Variants in KHNYN observed in about 807,000 individuals in gnomAD.
KHNYN encodes KH and NYN domain containing.
A neutral mutation model predicts 62.7 loss-of-function variants in KHNYN; 42 were observed. That is an observed-to-expected ratio of 0.67 (90% CI 0.52 to 0.87). KHNYN has a LOEUF of 0.87. KHNYN is among the 40% of genes least tolerant of loss of function. The probability of loss-of-function intolerance (pLI) is 0.00; values close to 1 mark genes in which losing one functional copy is unlikely to be tolerated. For missense variants in KHNYN, 829 were observed against 874.1 expected (o/e 0.95, Z 0.65); for synonymous variants, 347 against 345.6 (o/e 1.00, Z -0.04).
Position 24,432,237 on chromosome 14 carries a change from C to T in KHNYN, c.976C>T (p.Pro326Ser), listed in dbSNP as rs770405339. The stretch of plus-strand genomic sequence containing the variant: ...AGGGTTCTGTGTCCACCGTGAGCCT[C>T]CCGGTGCCCATGGCTCCTGTCACAG... ...GGGFCVHREP[P>S]GAHGSCHRAA... Residue 326 changes from proline (P) to serine (S), a missense_variant, in exon 3 of 8, where the codon CCC becomes TCC. Coordinates refer to ENST00000553935, the MANE Select transcript of KHNYN (RefSeq NM_015299.3). This position sits in a 1 kb window ranked among gnomAD's most constrained non-coding sequence, Gnocchi z 5.6. The T allele has an allele frequency of 3.1e-6, 5 of 1,609,002 alleles. No homozygotes were observed. The East Asian group carries it at 8.9e-5, about 29-fold the overall frequency.
the KHNYN span, among the ~76,000 whole-genome samples, chr14:24,423,580 G>C: frequency 6.6e-6 from 1 of 152,262 alleles, no homozygotes; most frequent in Non-Finnish European, 1.5e-5. Flanking sequence ...GGCCATGGGA[G>C]CAGAACTGGT....
upstream of KHNYN, chr14:24,429,319 C>T (rs780637676): frequency 1.5e-6 from 1 of 671,406 alleles, no homozygotes; most frequent in South Asian, 1.5e-5. Flanking sequence ...CGCCTGCCCA[C>T]TGGACGGGAG....
the KHNYN span, among the ~76,000 whole-genome samples, chr14:24,423,404 A>C: frequency 6.6e-6 from 1 of 152,156 alleles, no homozygotes; most frequent in African/African-American, 2.4e-5. Flanking sequence ...GTGGATGAGG[A>C]TAGCAGCCTT....
chr14:24,430,988 G>A (rs747317857), intron 2 of KHNYN, 57 bp downstream of exon 2: 47 of 1,523,524 alleles, frequency 3.1e-5, no homozygotes, highest in East Asian at 4.7e-5. Flanking sequence ...CCCCCAGGGC[G>A]GAGGAGAGCA....
chr14:24,427,615 G>A, upstream of KHNYN: 1 of 673,900 alleles, frequency 1.5e-6, no homozygotes, highest in Admixed American at 2.5e-5. This position sits in a 1 kb window ranked among gnomAD's most constrained non-coding sequence, Gnocchi z 4.4. Flanking sequence ...CTGGTCTGGA[G>A]ATGCCACAGC....
chr14:24,435,690 G>A, intron 5 of KHNYN: 1 of 250,040 alleles, frequency 4.0e-6, no homozygotes, highest in Non-Finnish European at 7.8e-6. Context: ...TTGGGTGAAG[G>A]ACTATGGTTG....
chr14:24,428,714 A>T (rs768423432), upstream of KHNYN: 11 of 1,530,934 alleles, frequency 7.2e-6, no homozygotes, highest in South Asian at 1.2e-4. Flanking sequence ...AGGTCCTTGC[A>T]GGGTCTTTCC....
chr14:24,439,821 T>G lies in KHNYN; in HGVS notation c.*2536T>G. ...ACTGCAGAGCATTCTCTACACAGCG[T>G]AAAGGAGAAGTGGGGCAGCTGCAGG... On this transcript the variant is annotated 3_prime_UTR_variant, in exon 8 of 8. Coordinates refer to ENST00000553935, the MANE Select transcript of KHNYN (RefSeq NM_015299.3). The G allele has an allele frequency of 2.3e-6, 1 of 426,518 alleles. No homozygotes were observed. Among genetic ancestry groups the G allele is most frequent in the Non-Finnish European group, 4.2e-6 (1 of 238,338 alleles). The allele number at this position is 426,518 out of a possible 1,614,324, so 26.4% of individuals were successfully genotyped here. A position where few individuals can be genotyped will look rare whatever the true frequency, so the allele number is the denominator to read the frequency against.
chr14:24,429,393 G>A (rs1010819133), upstream of KHNYN: 3 of 592,558 alleles, frequency 5.1e-6, no homozygotes, highest in Non-Finnish European at 9.5e-6. Context: ...TGGACCTGGG[G>A]GGATGGAGAA....
rs747200791 is a variant in KHNYN, at chr14:24,432,955, G to A, written c.1500G>A (p.Lys500=). The part of the protein sequence containing the change: ...AKVRESHFLQ[K]LYSLSLLSLT... ...CAATAGAGAGTCACTTCCTGCAAAA[G>A]CTGTATTCCCTCAGCCTGCTCTCCC... Residue 500 remains lysine, a synonymous_variant, in exon 5 of 8, where the codon AAG becomes AAA. Coordinates refer to ENST00000553935, the MANE Select transcript of KHNYN (RefSeq NM_015299.3). The surrounding 1 kb of genome is among the most constrained non-coding windows in gnomAD (Gnocchi z 5.6). 2 of 1,614,172 alleles carry A rather than the reference G, an allele frequency of 1.2e-6. No individual in the cohort carries two copies. Among genetic ancestry groups the A allele is most frequent in the Admixed American group, 3.3e-5 (2 of 60,028 alleles).
upstream of KHNYN, among the ~76,000 whole-genome samples, chr14:24,424,875 G>C (rs2043005221): frequency 6.6e-6 from 1 of 152,168 alleles, no homozygotes; most frequent in East Asian, 1.9e-4. Context: ...CGTTTTGTTG[G>C]ACTTCTGACC....
Position 24,432,268 on chromosome 14 carries a change from C to T in KHNYN, c.1007C>T (p.Ala336Val), listed in dbSNP as rs761151890. ...PGAHGSCHRA[A>V]QSRGASLLQR... ...GCCCATGGCTCCTGTCACAGGGCAG[C>T]TCAGTCCCGAGGAGCCTCCCTCCTC... Residue 336 changes from alanine to valine, a missense_variant, in exon 3 of 8, where the codon GCT (alanine) becomes GTT (valine). Physicochemically the swap from Ala to Val is moderately conservative, Grantham distance 64. Around this residue, in one of 2 missense-constraint regions of KHNYN, gnomAD observed 559 missense variants for 527.0 expected, o/e 1.06. Transcript: ENST00000553935. This position sits in a 1 kb window ranked among gnomAD's most constrained non-coding sequence, Gnocchi z 5.6. The T allele has an allele frequency of 1.9e-6, 3 of 1,613,300 alleles. No individual in the cohort carries two copies. The highest frequency in any genetic ancestry group is 1.7e-6 in the Non-Finnish European group (2 of 1,179,556).
chr14:24,428,491 G>C (rs2043047960), upstream of KHNYN: 4 of 1,492,822 alleles, frequency 2.7e-6, no homozygotes, highest in South Asian at 4.8e-5. Flanking sequence ...GGGGCAGTGA[G>C]TAATGAATAG....
At chr14:24,435,938 A>G (rs2043197298) in intron 5 of KHNYN, 134 bp from the exon 6 acceptor site, 1 of 690,986 alleles carries the variant, frequency 1.4e-6, no homozygotes. Flanking sequence ...GGATACCAAT[A>G]CAGTTTTGCT....
chr14:24,441,743 G>T lies in KHNYN; in HGVS notation c.*4458G>T. 1 of 1,602,426 alleles carries T rather than the reference G, an allele frequency of 6.2e-7. No individual in the cohort carries two copies. The highest frequency in any genetic ancestry group is 1.7e-4 in the Middle Eastern group (1 of 6,034). On this transcript the variant is annotated 3_prime_UTR_variant, in exon 8 of 8. Transcript: ENST00000553935. ...TTGGTGATGGCTTTAGCCAGCAATT[G>T]GGTGGTCTCTAGGCGGCTGCCGATT...
At chr14:24,428,337 G>C (rs777303928), upstream of KHNYN, 4 of 1,613,858 alleles carry the variant, frequency 2.5e-6, no homozygotes, top group African/African-American at 5.3e-5. Flanking sequence ...GGAAGCTGTA[G>C]ACACCCCGGA....
intron 5 of KHNYN, chr14:24,434,473 C>T (rs1407230119): frequency 6.6e-6 from 4 of 602,522 alleles, no homozygotes; most frequent in Middle Eastern, 8.1e-4. Flanking sequence ...GGCACGATCT[C>T]GGCTCACTGC....
At position 24,436,178 on chromosome 14, in the gene KHNYN, C is replaced by G; in HGVS notation, c.1684C>G (p.Arg562Gly). ...GAAGTGGATGGCAATCATCAGAGAA[C>G]GGTGAGGGAGCCCTCCCGCTGAGAA... ...SEKWMAIIRE[R>G]LLPFTFVGNL... is the part of the protein sequence containing the mutation. The change falls in exon 6 of 8, where the codon CGC becomes GGC. Residue 562 changes from arginine to glycine, a missense_variant and splice_region_variant. Physicochemically the swap from Arg to Gly is moderately radical, Grantham distance 125. This residue lies in a region of KHNYN where 270 missense variants were observed against 347.1 expected (regional missense o/e 0.78). Coordinates refer to ENST00000553935, the MANE Select transcript of KHNYN (RefSeq NM_015299.3). 1 of 1,611,598 alleles carries G rather than the reference C, an allele frequency of 6.2e-7. No individual in the cohort carries two copies. The highest frequency in any genetic ancestry group is 8.5e-7 in the Non-Finnish European group (1 of 1,177,814).
chr14:24,439,843 C>T lies in KHNYN; in HGVS notation c.*2558C>T, dbSNP rs1007400728. 59 of 466,774 alleles carry T rather than the reference C, an allele frequency of 1.3e-4. 1 individual carries two copies. Among genetic ancestry groups the T allele is most frequent in the Admixed American group, 3.8e-4 (10 of 26,062 alleles). The allele number at this position is 466,774 out of a possible 1,614,324, so 28.9% of individuals were successfully genotyped here. ...GCGTAAAGGAGAAGTGGGGCAGCTG[C>T]AGGACATGTAGAGAAACCAAACTGG... On this transcript the variant is annotated 3_prime_UTR_variant, in exon 8 of 8. Transcript: ENST00000553935.
Sources: gnomAD v4.1 joint callset for allele counts (sites outside exome capture counted in the v4.1 genomes callset) on GRCh38, gnomAD v4.1.1 for gene constraint, gnomAD v4.1.1 regional missense constraint, Gnocchi (gnomAD v3.1) non-coding constraint, MANE v1.5 for transcripts, NCBI Gene and HGNC (gene_info 2026-07-23, HGNC 2026-07-21) for gene names.